Variants in ANKFN1 observed in about 807,000 individuals in gnomAD.
The protein encoded by ANKFN1 is ankyrin repeat and fibronectin type-III domain-containing protein 1.
Under a neutral mutation model 108.7 loss-of-function variants are expected in ANKFN1, and 74 were observed. The observed-to-expected ratio is 0.68, with a 90% CI of 0.56 to 0.83. The LOEUF (loss-of-function observed/expected upper bound fraction) is 0.83. Ranked by LOEUF, ANKFN1 falls within the 40% of genes least tolerant of loss-of-function variation. The pLI is 0.00. For synonymous variants in ANKFN1, 547 were observed against 516.2 expected (o/e 1.06, Z -0.81); for missense variants, 1,505 against 1,382.3 (o/e 1.09, Z -1.41).
At chr17:56,120,784 C>T (rs80287550) in intron 4 of ANKFN1, among the ~76,000 whole-genome samples, 1,604 of 152,204 alleles carry the variant, frequency 0.011, 23 homozygotes, top group African/African-American at 0.036. Context: ...CCATTATCAG[C>T]TCCATTTCTT....
intron 8 of ANKFN1, among the ~76,000 whole-genome samples, chr17:56,386,019 C>T (rs201886700): frequency 1.1e-3 from 161 of 146,742 alleles, no homozygotes; most frequent in East Asian, 3.1e-3. Flanking sequence ...GACACATGCA[C>T]GCGTATGTTT....
intron 8 of ANKFN1, among the ~76,000 whole-genome samples, chr17:56,425,353 T>A (rs546741124): frequency 5.7e-4 from 87 of 152,298 alleles, no homozygotes; most frequent in Non-Finnish European, 1.1e-3. Context: ...CTGACATATA[T>A]CATTGCACCA....
chr17:56,141,923 C>CTGTTT (rs1294074019), intron 4 of ANKFN1, among the ~76,000 whole-genome samples: 11 of 95,654 alleles, frequency 1.1e-4, no homozygotes, highest in African/African-American at 4.7e-4. Flanking sequence ...CGATGGTGTA[C>CTGTTT]TTTTTTTTTT....
At chr17:56,199,525 A>G (rs1383930293) in intron 1 of ANKFN1, among the ~76,000 whole-genome samples, 2 of 152,030 alleles carry the variant, frequency 1.3e-5, no homozygotes, top group Non-Finnish European at 1.5e-5. Flanking sequence ...TGATCTCCCA[A>G]CTTTGATGTT....
chr17:56,318,539 C>T (rs935504026), intron 3 of ANKFN1, among the ~76,000 whole-genome samples: 5 of 152,102 alleles, frequency 3.3e-5, no homozygotes, highest in Admixed American at 6.6e-5. Context: ...AGATTTCAAT[C>T]CAGTAAGGGA....
intron 2 of ANKFN1, among the ~76,000 whole-genome samples, chr17:56,214,286 A>T (rs1438480587): frequency 6.6e-6 from 1 of 152,220 alleles, no homozygotes; most frequent in Non-Finnish European, 1.5e-5. Flanking sequence ...ATAAGAATAC[A>T]TCCAAGATAC....
Position 56,514,124 on chromosome 17 carries a change from A to G in ANKFN1, c.*2855A>G, listed in dbSNP as rs1024683380. 6.6e-6 allele frequency among the ~76,000 whole-genome samples: 1 copy of G among 152,116 alleles called. No individual in the cohort carries two copies. On this transcript the variant is annotated 3_prime_UTR_variant, in exon 21 of 21. Coordinates refer to ENST00000682825, the MANE Select transcript of ANKFN1 (RefSeq NM_001370326.1). ...TCTTTCACTCTTTTTTTAATCCAAT[A>G]TGAGAGCCTCTGAAGGAAACTGTCC...
At chr17:56,509,178 C>T (rs2051665914) in intron 20 of ANKFN1, among the ~76,000 whole-genome samples, 1 of 152,192 alleles carries the variant, frequency 6.6e-6, no homozygotes, top group African/African-American at 2.4e-5. Context: ...TAACCGTACT[C>T]CTATTGGTTA....
chr17:56,258,897 T>C (rs1268838001), intron 3 of ANKFN1, among the ~76,000 whole-genome samples: 6 of 151,942 alleles, frequency 3.9e-5, no homozygotes, highest in Non-Finnish European at 8.8e-5. Flanking sequence ...GGTGACAGAG[T>C]GAGACTCCGT....
At chr17:56,306,952 A>C (rs1300822558) in intron 3 of ANKFN1, among the ~76,000 whole-genome samples, 3 of 152,236 alleles carry the variant, frequency 2.0e-5, no homozygotes, top group Admixed American at 1.3e-4. Flanking sequence ...ATCTTTGACA[A>C]ACCTGACAAA....
chr17:56,276,087 A>G (rs148213217), intron 3 of ANKFN1, among the ~76,000 whole-genome samples: 75 of 152,122 alleles, frequency 4.9e-4, no homozygotes, highest in African/African-American at 1.6e-3. Flanking sequence ...TCATTGTTCA[A>G]TTCCCACCTA....
intron 14 of ANKFN1, among the ~76,000 whole-genome samples, chr17:56,463,589 A>G (rs1374176973): frequency 1.3e-5 from 2 of 152,158 alleles, no homozygotes; most frequent in African/African-American, 2.4e-5. Context: ...AAAATGTCAG[A>G]GGGCCCAAAG....
chr17:56,063,932 TTG>T (rs1905020096), intron 4 of ANKFN1, among the ~76,000 whole-genome samples: 1 of 152,110 alleles, frequency 6.6e-6, no homozygotes, highest in Non-Finnish European at 1.5e-5. Flanking sequence ...GTGGGTGATT[TTG>T]TTGTTGTTGA....
At chr17:56,305,898 A>G (rs1056526482) in intron 3 of ANKFN1, among the ~76,000 whole-genome samples, 32 of 152,278 alleles carry the variant, frequency 2.1e-4, no homozygotes, top group African/African-American at 7.5e-4. Flanking sequence ...CACCAGCATC[A>G]TTTGTTACGG....
intron 1 of ANKFN1, among the ~76,000 whole-genome samples, chr17:56,188,579 GTGTATATATA>G (rs1177135794): frequency 5.6e-5 from 4 of 71,430 alleles, no homozygotes; most frequent in African/African-American, 2.3e-4. Context: ...GTGTGTGTGT[GTGTATATATA>G]TATATATATA....
At chr17:56,241,644 CATACTATAT>C (rs1917592914) in intron 3 of ANKFN1, among the ~76,000 whole-genome samples, 1 of 152,090 alleles carries the variant, frequency 6.6e-6, no homozygotes, top group Non-Finnish European at 1.5e-5. Context: ...TACCAAAACC[CATACTATAT>C]ATACTATGTC....
At chr17:56,465,976 T>G (rs1424782962) in intron 14 of ANKFN1, among the ~76,000 whole-genome samples, 1 of 152,214 alleles carries the variant, frequency 6.6e-6, no homozygotes, top group Non-Finnish European at 1.5e-5. Flanking sequence ...GAAGCATACT[T>G]TAAATATCAG....
intron 4 of ANKFN1, among the ~76,000 whole-genome samples, chr17:56,102,262 T>C (rs1905662228): frequency 6.6e-6 from 1 of 152,190 alleles, no homozygotes; most frequent in Non-Finnish European, 1.5e-5. Flanking sequence ...AGCCATTCAG[T>C]GAAGGGGCAA....
intron 4 of ANKFN1, among the ~76,000 whole-genome samples, chr17:56,087,689 A>G (rs1293227426): frequency 6.6e-6 from 1 of 151,348 alleles, no homozygotes; most frequent in Non-Finnish European, 1.5e-5. Context: ...TTCTTCTAAA[A>G]CAGAGGTTGG....
Sources: gnomAD v4.1 joint callset for allele counts (sites outside exome capture counted in the v4.1 genomes callset) on GRCh38, gnomAD v4.1.1 for gene constraint, MANE v1.5 for transcripts, NCBI Gene and HGNC (gene_info 2026-07-23, HGNC 2026-07-21) for gene names.